Variants in DGKB observed in about 807,000 individuals in gnomAD.
DGKB encodes the protein diacylglycerol kinase beta, also known as 90 kDa diacylglycerol kinase.
Under a neutral mutation model 114.3 loss-of-function variants are expected in DGKB, and 67 were observed. That is an observed-to-expected ratio of 0.59 (90% confidence interval 0.48 to 0.72). The LOEUF is 0.72. DGKB is among the 30% of genes least tolerant of loss of function. DGKB has a pLI of 0.00. For synonymous variants in DGKB, 398 were observed against 323.1 expected (o/e 1.23, Z -2.49); for missense variants, 907 against 975.2 (o/e 0.93, Z 0.93).
At chr7:14,931,148 G>C (rs1164436664) in intron 1 of DGKB, among the ~76,000 whole-genome samples, 11 of 138,548 alleles carry the variant, frequency 7.9e-5, no homozygotes, top group Non-Finnish European at 1.5e-4. Flanking sequence ...GTCTCATCCT[G>C]TCGCCCAGGC....
intron 17 of DGKB, among the ~76,000 whole-genome samples, chr7:14,583,930 C>T (rs1336759458): frequency 1.3e-5 from 2 of 152,152 alleles, no homozygotes; most frequent in Non-Finnish European, 2.9e-5. Flanking sequence ...TGTCTCTTCA[C>T]CTCCCTTGTC....
intron 9 of DGKB, among the ~76,000 whole-genome samples, chr7:14,690,857 A>G (rs1036135844): frequency 6.6e-6 from 1 of 152,230 alleles, no homozygotes; most frequent in African/African-American, 2.4e-5. Flanking sequence ...GGAAGAATGA[A>G]TAAGTCTCAG....
chr7:14,436,568 C>T (rs1195711040), intron 21 of DGKB, among the ~76,000 whole-genome samples: 1 of 151,988 alleles, frequency 6.6e-6, no homozygotes, highest in Non-Finnish European at 1.5e-5. Context: ...GGCCTCTTTC[C>T]CTAGAAAAAG....
At chr7:14,381,599 C>T (rs577220616) in intron 21 of DGKB, among the ~76,000 whole-genome samples, 54 of 152,154 alleles carry the variant, frequency 3.5e-4, no homozygotes, top group Admixed American at 3.1e-3. Flanking sequence ...AGTTGTCTTC[C>T]CCAGTTTCCT....
At chr7:14,894,626 T>G (rs1211082743) in intron 1 of DGKB, among the ~76,000 whole-genome samples, 1 of 151,600 alleles carries the variant, frequency 6.6e-6, no homozygotes, top group Non-Finnish European at 1.5e-5. Flanking sequence ...TTACTGAAAG[T>G]GCTCTTTCAC....
intron 21 of DGKB, among the ~76,000 whole-genome samples, chr7:14,471,205 T>C (rs1361868454): frequency 8.2e-6 from 1 of 121,922 alleles, no homozygotes; most frequent in African/African-American, 3.3e-5. Flanking sequence ...GTATGGAATA[T>C]ATGTATATAT....
intron 21 of DGKB, among the ~76,000 whole-genome samples, chr7:14,403,443 C>T (rs748447878): frequency 1.4e-4 from 22 of 151,870 alleles, no homozygotes; most frequent in Non-Finnish European, 2.5e-4. Flanking sequence ...TGATCAGCAA[C>T]GAACATTCAA....
intron 13 of DGKB, among the ~76,000 whole-genome samples, chr7:14,637,819 C>T (rs1022329508): frequency 5.3e-5 from 8 of 151,774 alleles, no homozygotes; most frequent in African/African-American, 1.9e-4. Context: ...GTAATAAATA[C>T]ATGTAGCTAC....
At chr7:14,310,871 G>A (rs534112132) in intron 23 of DGKB, among the ~76,000 whole-genome samples, 17 of 152,244 alleles carry the variant, frequency 1.1e-4, no homozygotes, top group Middle Eastern at 3.4e-3. Context: ...GGTGGCTGAC[G>A]CCTGTAATCC....
At chr7:14,275,156 T>C (rs1798819871) in intron 23 of DGKB, among the ~76,000 whole-genome samples, 1 of 152,214 alleles carries the variant, frequency 6.6e-6, no homozygotes. Context: ...TTGAATATAC[T>C]TAAGTTCTAT....
chr7:14,312,442 G>A (rs1262812459), intron 23 of DGKB, among the ~76,000 whole-genome samples: 1 of 152,206 alleles, frequency 6.6e-6, no homozygotes. Flanking sequence ...AACTATACTT[G>A]TTATTAATGC....
chr7:14,903,212 AGTGT>A (rs34367492), upstream of DGKB: 45,131 of 137,282 alleles, frequency 0.33, 8,008 homozygotes, highest in Admixed American at 0.45. Flanking sequence ...AAGTCTGTGC[AGTGT>A]GTGTGTGTGT....
At chr7:14,287,576 CTG>C (rs567354561) in intron 23 of DGKB, among the ~76,000 whole-genome samples, 298 of 152,218 alleles carry the variant, frequency 2.0e-3, no homozygotes, top group African/African-American at 6.9e-3. Flanking sequence ...GATAATGAAA[CTG>C]TGTCACTATA....
intron 23 of DGKB, among the ~76,000 whole-genome samples, chr7:14,328,512 T>C (rs1809154722): frequency 6.6e-6 from 1 of 152,026 alleles, no homozygotes; most frequent in African/African-American, 2.4e-5. Flanking sequence ...AATGGAATTG[T>C]TCAAAGATAC....
Position 14,736,096 on chromosome 7 carries a change from G to C in DGKB, c.267C>G (p.Asn89Lys), listed in dbSNP as rs760379962. The stretch of plus-strand genomic sequence containing the variant: ...CCATTGGACTAGAATGAGGAAACTT[G>C]TTGCTAAATGACATGAAAAGGTGTG... ...FTAHLFMSFS[N>K]KFPHSSPMVK... Residue 89 changes from asparagine (N) to lysine (K), a missense_variant, in exon 5 of 26, where the codon AAC (asparagine) becomes AAG (lysine). Coordinates refer to ENST00000402815, the MANE Select transcript of DGKB (RefSeq NM_001350709.2). 3.7e-6 allele frequency: 6 copies of C among 1,610,216 alleles called. No individual in the cohort carries two copies. Among genetic ancestry groups the C allele is most frequent in the Non-Finnish European group, 5.1e-6 (6 of 1,177,646 alleles).
At chr7:14,219,798 T>A (rs1789622416) in intron 23 of DGKB, among the ~76,000 whole-genome samples, 1 of 151,762 alleles carries the variant, frequency 6.6e-6, no homozygotes, top group African/African-American at 2.4e-5. Context: ...TTACATATTT[T>A]TTCTTTTGTT....
intron 13 of DGKB, among the ~76,000 whole-genome samples, chr7:14,652,845 A>T (rs1253088132): frequency 6.6e-6 from 1 of 152,262 alleles, no homozygotes; most frequent in Non-Finnish European, 1.5e-5. Context: ...TGGGCAAAGT[A>T]TATGAACAGA....
chr7:14,508,438 A>T (rs1787446644), intron 20 of DGKB, among the ~76,000 whole-genome samples: 1 of 152,206 alleles, frequency 6.6e-6, no homozygotes, highest in Non-Finnish European at 1.5e-5. Context: ...TTTGCCTGAA[A>T]TGTCTCAAAT....
At chr7:14,786,160 A>G (rs908562838) in intron 2 of DGKB, among the ~76,000 whole-genome samples, 1 of 151,022 alleles carries the variant, frequency 6.6e-6, no homozygotes, top group African/African-American at 2.5e-5. Context: ...ACACACACAC[A>G]CACGCACACA....
Sources: allele counts gnomAD v4.1 joint callset (sites outside exome capture counted in the v4.1 genomes callset), GRCh38; gene constraint gnomAD v4.1.1; transcripts MANE v1.5; gene names NCBI Gene and HGNC (gene_info 2026-07-23, HGNC 2026-07-21).